LMBRD1: variants seen among roughly 807,000 people sequenced by gnomAD.
LMBRD1 encodes LMBR1 domain containing 1.
In LMBRD1, 64 loss-of-function variants were observed where a neutral mutation model predicts 74.8. The observed-to-expected ratio is 0.86, with a 90% CI of 0.70 to 1.05. The LOEUF (loss-of-function observed/expected upper bound fraction) is 1.05, where lower values mean the gene tolerates loss of function less well. Ranked by LOEUF, LMBRD1 falls within the 50% of genes least tolerant of loss-of-function variation. The pLI is 0.00. For missense variants in LMBRD1, 652 were observed against 645.9 expected, an observed-to-expected ratio of 1.01 and a Z score of -0.10; for synonymous variants, 204 against 216.3, an observed-to-expected ratio of 0.94 and a Z score of 0.50.
chr6:69,779,200 A>AC (rs1765773146), intron 3 of LMBRD1, among the ~76,000 whole-genome samples: 1 of 151,730 alleles, frequency 6.6e-6, no homozygotes, highest in Non-Finnish European at 1.5e-5. Flanking sequence ...AAAAAAAAAA[A>AC]ACAATTCAAT....
chr6:69,719,945 C>T (rs9294849), intron 7 of LMBRD1, among the ~76,000 whole-genome samples: 12,217 of 152,224 alleles, frequency 0.08, 658 homozygotes, highest in Admixed American at 0.15. Context: ...ATAAATGCCA[C>T]GTTTTAGGCA....
chr6:69,707,827 G>A (rs551817014), intron 9 of LMBRD1, among the ~76,000 whole-genome samples: 18 of 152,174 alleles, frequency 1.2e-4, no homozygotes, highest in Admixed American at 1.0e-3. Flanking sequence ...ACTAGGGAAT[G>A]GAGAATTACC....
Position 69,790,299 on chromosome 6 carries a change from A to G in LMBRD1, c.243T>C (p.Phe81=). Residue 81 remains phenylalanine, a synonymous_variant, in exon 2 of 16, where the codon TTT becomes TTC. Transcript: ENST00000649934. ...VSYMKNQNGT[F]KDWANANVSR... is the part of the protein sequence containing the mutation. The stretch of plus-strand genomic sequence containing the variant: ...TGCAAAGTAAGATTATATTTACCTT[A>G]AATGTACCATTTTGATTTTTCATGT... 6.2e-7 allele frequency: 1 copy of G among 1,602,198 alleles called. No individual in the cohort carries two copies. Among genetic ancestry groups the G allele is most frequent in the South Asian group, 1.1e-5 (1 of 90,772 alleles).
intron 3 of LMBRD1, among the ~76,000 whole-genome samples, chr6:69,775,031 G>GA (rs1404706826): frequency 1.5e-4 from 19 of 125,178 alleles, no homozygotes; most frequent in African/African-American, 5.2e-4. Flanking sequence ...GGGAGGGAGG[G>GA]AGGGAAGGAA....
At chr6:69,768,091 C>T (rs1399163349) in intron 3 of LMBRD1, among the ~76,000 whole-genome samples, 1 of 151,852 alleles carries the variant, frequency 6.6e-6, no homozygotes, top group Non-Finnish European at 1.5e-5. Context: ...AGGTGTTTCT[C>T]TTATAGACAA....
intron 3 of LMBRD1, among the ~76,000 whole-genome samples, chr6:69,764,569 C>T (rs1481198544): frequency 6.6e-6 from 1 of 152,160 alleles, no homozygotes; most frequent in Non-Finnish European, 1.5e-5. Flanking sequence ...TTACATTTCC[C>T]TAATCATTAA....
intron 2 of LMBRD1, among the ~76,000 whole-genome samples, chr6:69,785,372 T>A (rs1765923992): frequency 6.6e-6 from 1 of 152,148 alleles, no homozygotes; most frequent in Admixed American, 6.5e-5. Context: ...TCCCAAATAC[T>A]TCTCTCCAGC....
chr6:69,678,262 A>C (rs371639202), intron 14 of LMBRD1, among the ~76,000 whole-genome samples: 12 of 152,142 alleles, frequency 7.9e-5, no homozygotes, highest in African/African-American at 2.4e-4. Context: ...TATTAAGTGG[A>C]AGTAGATTAT....
intron 8 of LMBRD1, among the ~76,000 whole-genome samples, chr6:69,714,337 G>A (rs1766447171): frequency 6.6e-6 from 1 of 151,926 alleles, no homozygotes; most frequent in Non-Finnish European, 1.5e-5. Flanking sequence ...TGTTTTCCAA[G>A]TACTTTGGCA....
chr6:69,778,398 C>A (rs1218872457), intron 3 of LMBRD1, among the ~76,000 whole-genome samples: 2 of 152,160 alleles, frequency 1.3e-5, no homozygotes, highest in African/African-American at 4.8e-5. Context: ...AAAATACTTA[C>A]AAAATTCTTT....
intron 7 of LMBRD1, among the ~76,000 whole-genome samples, chr6:69,728,465 A>G (rs1562101572): frequency 6.6e-6 from 1 of 152,208 alleles, no homozygotes; most frequent in East Asian, 1.9e-4. Flanking sequence ...ATATGCAGGT[A>G]TGTTTCCCTG....
chr6:69,682,202 A>G lies in LMBRD1; in HGVS notation c.1418-5661T>C, dbSNP rs992207986. ...TTTATATTAAAATTTAACAAGTGGC[A>G]TACAGTTAAATCAATGTTTTGTTAA... On this transcript the variant is annotated intron_variant, in intron 14 of 15. Coordinates refer to ENST00000649934, the MANE Select transcript of LMBRD1 (RefSeq NM_018368.4). 2.2e-4 allele frequency among the ~76,000 whole-genome samples: 34 copies of G among 152,124 alleles called. 1 individual carries two copies. Among genetic ancestry groups the G allele is most frequent in the African/African-American group, 8.2e-4 (34 of 41,586 alleles).
At chr6:69,781,027 G>A (rs530407478) in intron 2 of LMBRD1, among the ~76,000 whole-genome samples, 66 of 152,270 alleles carry the variant, frequency 4.3e-4, no homozygotes, top group African/African-American at 1.4e-3. Context: ...GTCATGCTGA[G>A]TACTTTGGAC....
chr6:69,784,305 C>G (rs940526361), intron 2 of LMBRD1, among the ~76,000 whole-genome samples: 8 of 152,184 alleles, frequency 5.3e-5, no homozygotes, highest in African/African-American at 1.9e-4. Flanking sequence ...TTCCACAGAA[C>G]AAGAATGTAA....
intron 3 of LMBRD1, among the ~76,000 whole-genome samples, chr6:69,766,714 A>G (rs1765480840): frequency 6.6e-6 from 1 of 151,672 alleles, no homozygotes; most frequent in Non-Finnish European, 1.5e-5. Flanking sequence ...TTGATAAAGG[A>G]TTGGTATAAT....
At chr6:69,743,946 T>C (rs912122345) in intron 5 of LMBRD1, among the ~76,000 whole-genome samples, 5 of 152,074 alleles carry the variant, frequency 3.3e-5, no homozygotes, top group African/African-American at 1.2e-4. Context: ...ATTGACCAAA[T>C]ATCAGCCCCA....
At chr6:69,688,137 T>C (rs1229503597) in intron 14 of LMBRD1, among the ~76,000 whole-genome samples, 4 of 152,134 alleles carry the variant, frequency 2.6e-5, no homozygotes, top group African/African-American at 4.8e-5. Context: ...TCACAAAGCA[T>C]CAATGTCACT....
intron 6 of LMBRD1, among the ~76,000 whole-genome samples, chr6:69,740,726 A>G (rs976228029): frequency 6.6e-6 from 1 of 152,220 alleles, no homozygotes; most frequent in African/African-American, 2.4e-5. Flanking sequence ...AGTACCTATT[A>G]GAATAGTCAA....
At chr6:69,772,238 T>C (rs565180162) in intron 3 of LMBRD1, among the ~76,000 whole-genome samples, 17 of 152,138 alleles carry the variant, frequency 1.1e-4, no homozygotes, top group South Asian at 2.1e-4. Flanking sequence ...TGGTATAAAA[T>C]CACCAAAGGA....
Sources: gnomAD v4.1 joint callset for allele counts (sites outside exome capture counted in the v4.1 genomes callset) on GRCh38, gnomAD v4.1.1 for gene constraint, MANE v1.5 for transcripts, NCBI Gene and HGNC (gene_info 2026-07-23, HGNC 2026-07-21) for gene names.